The following DCUN1D2 variants were observed in gnomAD, a reference collection of about 807,000 sequenced individuals.
DCUN1D2 encodes the protein defective in cullin neddylation 1 domain containing 2.
In DCUN1D2, 29 loss-of-function variants were observed where a neutral mutation model predicts 30.9. The ratio of observed to expected loss-of-function variants is 0.94; its 90% CI spans 0.70 to 1.28. DCUN1D2 has a LOEUF of 1.28. Ranked by LOEUF, DCUN1D2 falls within the 50% of genes most tolerant of loss-of-function variation. DCUN1D2 has a pLI of 0.00. For synonymous variants in DCUN1D2, 121 were observed against 115.3 expected, an observed-to-expected ratio of 1.05 and a Z score of -0.32; for missense variants, 325 against 316.9, an observed-to-expected ratio of 1.03 and a Z score of -0.19.
intron 1 of DCUN1D2, among the ~76,000 whole-genome samples, chr13:113,487,627 C>T (rs952955911): frequency 2.0e-5 from 3 of 152,202 alleles, no homozygotes; most frequent in African/African-American, 7.2e-5. Context: ...TACGATTTCA[C>T]TTATATGAAA....
At chr13:113,458,182 A>G in intron 6 of DCUN1D2, 74 bp from the exon 7 acceptor site, 10 of 1,248,020 alleles carry the variant, frequency 8.0e-6, no homozygotes, top group Non-Finnish European at 1.2e-5. Context: ...TCACACATCA[A>G]TCCAACATTT....
rs1200998995 is a variant in DCUN1D2, at chr13:113,483,934, G to A, written c.126C>T (p.Asp42=). ...QNEWRLDEAT[D]SFFQNPDSLH... ...GCGAGTCTGGGTTTTGGAAGAAGCT[G>A]TCCGTGGCCTCGTCTAGTCTCCACT... Residue 42 remains aspartate (D), a synonymous_variant, in exon 2 of 7, where the codon GAC becomes GAT. Transcript: ENST00000478244. 2 of 1,614,140 alleles carry A rather than the reference G, an allele frequency of 1.2e-6. No individual in the cohort carries two copies. Among genetic ancestry groups the A allele is most frequent in the South Asian group, 2.2e-5 (2 of 91,078 alleles).
intron 1 of DCUN1D2, chr13:113,489,245 TC>T: frequency 1.6e-6 from 1 of 640,094 alleles, no homozygotes; most frequent in Non-Finnish European, 1.9e-6. Context: ...AACGCTCCTC[TC>T]CAGCATCCTG....
In DCUN1D2 at chr13:113,480,540, T is replaced by C; in HGVS notation, c.389+35A>G. On this transcript the variant is annotated intron_variant, in intron 3 of 6. Transcript: ENST00000478244. ...AAATAATGTTAGAAGTATTTTCATT[T>C]CTGAAAACATTTAAGCTAAGAATAG... 3 of 1,607,592 alleles carry C rather than the reference T, an allele frequency of 1.9e-6. No individual in the cohort carries two copies. The South Asian group carries it at 3.3e-5, about 18-fold the overall frequency.
Position 113,483,849 on chromosome 13 carries a change from T to C in DCUN1D2, c.211A>G (p.Arg71Gly), listed in dbSNP as rs2044753342. ...TGCAGTCTCCTCTTACCTTTGTACC[T>C]GCCGTACAGCCGCTCCAGCTTCTTC... ...DKKKLERLYGRYKDPQDENKI... is the reference protein window; with the variant it reads ...DKKKLERLYGGYKDPQDENKI... Residue 71 changes from arginine to glycine, a missense_variant, in exon 2 of 7, where the codon AGG (arginine) becomes GGG (glycine). By Grantham distance (125) the Arg-to-Gly change is moderately radical. Coordinates refer to ENST00000478244, the MANE Select transcript of DCUN1D2 (RefSeq NM_001014283.2). 1.9e-6 allele frequency: 3 copies of C among 1,612,374 alleles called. No individual in the cohort carries two copies. The highest frequency in any genetic ancestry group is 2.5e-6 in the Non-Finnish European group (3 of 1,180,018).
At chr13:113,484,260 G>T in intron 1 of DCUN1D2, 1 of 1,119,784 alleles carries the variant, frequency 8.9e-7, no homozygotes, top group Non-Finnish European at 1.2e-6. Context: ...CAAAAATTAT[G>T]AGAATTAACA....
Position 113,459,329 on chromosome 13 carries a change from G to C in DCUN1D2, c.683C>G (p.Ser228Cys). The C allele has an allele frequency of 6.3e-7, 1 of 1,588,808 alleles. No homozygotes were observed. The highest frequency in any genetic ancestry group is 8.6e-7 in the Non-Finnish European group (1 of 1,157,022). Residue 228 changes from serine to cysteine, a missense_variant, in exon 6 of 7, where the codon TCT becomes TGT. Physicochemically the swap from Ser to Cys is moderately radical, Grantham distance 112 (BLOSUM62 -1). Coordinates refer to ENST00000478244, the MANE Select transcript of DCUN1D2 (RefSeq NM_001014283.2). Reference sequence around the variant, plus strand: ...TCCGGTACCTTCTTCATCGTAGTTAGACATATCATCCGCAATCATGTTTCC... The same window carrying C: ...TCCGGTACCTTCTTCATCGTAGTTACACATATCATCCGCAATCATGTTTCC... ...DFGNMIADDM[S>C]NYDEEGAWPV... is the part of the protein sequence containing the mutation.
At chr13:113,482,338 C>T (rs1323108702) in intron 2 of DCUN1D2, among the ~76,000 whole-genome samples, 4 of 152,142 alleles carry the variant, frequency 2.6e-5, no homozygotes, top group Non-Finnish European at 5.9e-5. Context: ...CACTTATACA[C>T]AAGTATTTTT....
At chr13:113,479,741 C>T (rs1239413955) in intron 3 of DCUN1D2, among the ~76,000 whole-genome samples, 1 of 152,136 alleles carries the variant, frequency 6.6e-6, no homozygotes, top group Non-Finnish European at 1.5e-5. Context: ...AACAAACAAA[C>T]AAACAAGTAG....
Position 113,483,879 on chromosome 13 carries a change from C to A in DCUN1D2, c.181G>T (p.Asp61Tyr). The A allele has an allele frequency of 6.2e-7, 1 of 1,613,336 alleles. No homozygotes were observed. The highest frequency in any genetic ancestry group is 8.5e-7 in the Non-Finnish European group (1 of 1,180,048). ...TACAGCCGCTCCAGCTTCTTCTTGT[C>A]CACAGCGTTCCGCATGGACTCCCTG... ...LHRESMRNAVDKKKLERLYGR... is the reference protein window; with the variant it reads ...LHRESMRNAVYKKKLERLYGR... Residue 61 changes from aspartate (D) to tyrosine (Y), a missense_variant, in exon 2 of 7, where the codon GAC becomes TAC. Coordinates refer to ENST00000478244, the MANE Select transcript of DCUN1D2 (RefSeq NM_001014283.2).
chr13:113,464,836 C>T (rs1024133681), intron 4 of DCUN1D2, among the ~76,000 whole-genome samples: 5 of 152,256 alleles, frequency 3.3e-5, no homozygotes, highest in African/African-American at 4.8e-5. Flanking sequence ...GAGGTGTTTG[C>T]TGCGCAGTCA....
In DCUN1D2 at chr13:113,457,939, G is replaced by T; in HGVS notation, c.*90C>A. 1 of 1,204,218 alleles carries T rather than the reference G, an allele frequency of 8.3e-7. No homozygotes were observed. The highest frequency in any genetic ancestry group is 1.5e-5 in the African/African-American group (1 of 66,988). 74.6% of individuals were successfully genotyped at this position (1,204,218 alleles called of 1,614,324 possible). ...TCATGGCTGGTCAAGAATGACTTCTGGAATCAGCGACAATGCACCCAGGAA... is the reference window on the plus strand; with the variant it reads ...TCATGGCTGGTCAAGAATGACTTCTTGAATCAGCGACAATGCACCCAGGAA... On this transcript the variant is annotated 3_prime_UTR_variant, in exon 7 of 7. Coordinates refer to ENST00000478244, the MANE Select transcript of DCUN1D2 (RefSeq NM_001014283.2).
intron 5 of DCUN1D2, among the ~76,000 whole-genome samples, chr13:113,460,333 C>T (rs920817734): frequency 2.0e-5 from 3 of 152,230 alleles, no homozygotes; most frequent in Admixed American, 6.5e-5. Context: ...TGAAGGGAGG[C>T]AGTGCGGGTC....
intron 4 of DCUN1D2, chr13:113,462,986 T>C (rs1038894799): frequency 4.2e-6 from 2 of 474,852 alleles, no homozygotes; most frequent in Admixed American, 5.4e-5. Context: ...ACAAAGGACC[T>C]GATTTGTATG....
At position 113,488,378 on chromosome 13, in the gene DCUN1D2, C is replaced by T. The variant is rs2044844831; in HGVS notation, c.3+2289G>A. Among the ~76,000 whole-genome samples, 1 of 152,228 alleles carries T rather than the reference C, an allele frequency of 6.6e-6. No homozygotes were observed. Among genetic ancestry groups the T allele is most frequent in the Admixed American group, 6.5e-5 (1 of 15,286 alleles). Reference sequence around the variant, plus strand: ...AAGCTGCAATCATTTGATGTCACCCCTTACAGGTTTCTCCATAAAATAACA... The same window carrying T: ...AAGCTGCAATCATTTGATGTCACCCTTTACAGGTTTCTCCATAAAATAACA... On this transcript the variant is annotated intron_variant, in intron 1 of 6. Transcript: ENST00000478244. The surrounding 1 kb of genome is among the most constrained non-coding windows in gnomAD (Gnocchi z 4.3).
intron 2 of DCUN1D2, among the ~76,000 whole-genome samples, chr13:113,482,037 T>G (rs989581116): frequency 1.3e-5 from 2 of 152,200 alleles, no homozygotes; most frequent in African/African-American, 4.8e-5. Flanking sequence ...CCTAATTCTA[T>G]ACTTCATGAA....
chr13:113,463,883 C>T (rs1042488812), intron 4 of DCUN1D2, among the ~76,000 whole-genome samples: 1 of 152,144 alleles, frequency 6.6e-6, no homozygotes, highest in Non-Finnish European at 1.5e-5. Context: ...TCCATGTTCC[C>T]ACGGCAGTCC....
intron 4 of DCUN1D2, among the ~76,000 whole-genome samples, chr13:113,468,701 G>A (rs1478679493): frequency 7.0e-6 from 1 of 143,524 alleles, no homozygotes; most frequent in Non-Finnish European, 1.5e-5. Context: ...GCAGCACAGT[G>A]TGTAACCTTC....
At chr13:113,458,799 G>C (rs538979984) in intron 6 of DCUN1D2, among the ~76,000 whole-genome samples, 1 of 152,304 alleles carries the variant, frequency 6.6e-6, no homozygotes, top group East Asian at 1.9e-4. Flanking sequence ...AAAGTGGGTG[G>C]GAGCCTAGAG....
Sources: allele counts gnomAD v4.1 joint callset (sites outside exome capture counted in the v4.1 genomes callset), GRCh38; gene constraint gnomAD v4.1.1; non-coding constraint Gnocchi (gnomAD v3.1); transcripts MANE v1.5; gene names NCBI Gene and HGNC (gene_info 2026-07-23, HGNC 2026-07-21).